The following RASA2 variants were observed in gnomAD, a reference collection of about 807,000 sequenced individuals.
RASA2 encodes RAS p21 protein activator 2.
In RASA2, 155 loss-of-function variants were observed where a neutral mutation model predicts 118.2. The observed-to-expected ratio is 1.31, with a 90% CI of 1.15 to 1.50. The LOEUF is 1.50. Among genes scored for constraint, RASA2 ranks in the 40% most tolerant of loss-of-function variants. The pLI, the probability that RASA2 is intolerant of heterozygous loss-of-function variation, is 0.00. For missense variants in RASA2, 1,016 were observed against 1,009.6 expected, an observed-to-expected ratio of 1.01 and a Z score of -0.09; for synonymous variants, 353 against 349.1, an observed-to-expected ratio of 1.01 and a Z score of -0.12.
intron 19 of RASA2, among the ~76,000 whole-genome samples, chr3:141,590,574 G>A (rs979558410): frequency 3.9e-5 from 6 of 152,136 alleles, no homozygotes; most frequent in South Asian, 2.1e-4. Context: ...TCTCTGTTTG[G>A]TTGTTGAGCA....
chr3:141,506,513 A>C (rs1357144557), intron 1 of RASA2, among the ~76,000 whole-genome samples: 1 of 152,220 alleles, frequency 6.6e-6, no homozygotes, highest in Admixed American at 6.5e-5. Context: ...GAATTTCTTG[A>C]ATACTTTATT....
intron 1 of RASA2, among the ~76,000 whole-genome samples, chr3:141,497,314 A>C: frequency 7.1e-6 from 1 of 140,192 alleles, no homozygotes; most frequent in East Asian, 1.9e-4. Context: ...TAAAACGTAA[A>C]GTATAATAAA....
At chr3:141,577,922 A>T (rs1472936534) in intron 15 of RASA2, among the ~76,000 whole-genome samples, 1 of 152,060 alleles carries the variant, frequency 6.6e-6, no homozygotes, top group Non-Finnish European at 1.5e-5. Context: ...AAAATTCTTT[A>T]TTTTTGCTAT....
At chr3:141,524,597 T>G (rs2082159332) in intron 3 of RASA2, among the ~76,000 whole-genome samples, 1 of 152,094 alleles carries the variant, frequency 6.6e-6, no homozygotes, top group Non-Finnish European at 1.5e-5. Flanking sequence ...TGTTTGTTTG[T>G]TTTTTTGAGA....
intron 1 of RASA2, among the ~76,000 whole-genome samples, chr3:141,506,371 G>T (rs2081866812): frequency 6.6e-6 from 1 of 152,204 alleles, no homozygotes; most frequent in Non-Finnish European, 1.5e-5. Flanking sequence ...CATATTGCAG[G>T]ACTCCGCATG....
chr3:141,590,408 T>G (rs2083270894), intron 19 of RASA2, among the ~76,000 whole-genome samples: 1 of 152,202 alleles, frequency 6.6e-6, no homozygotes, highest in African/African-American at 2.4e-5. Flanking sequence ...ATATAACACC[T>G]TATTCCCATC....
chr3:141,606,357 A>G (rs2083548954), intron 19 of RASA2, among the ~76,000 whole-genome samples: 1 of 152,146 alleles, frequency 6.6e-6, no homozygotes, highest in Non-Finnish European at 1.5e-5. Flanking sequence ...TTAACTGTAA[A>G]TGTCATTTCC....
intron 1 of RASA2, among the ~76,000 whole-genome samples, chr3:141,496,209 A>G (rs962610137): frequency 1.3e-5 from 2 of 152,240 alleles, no homozygotes; most frequent in African/African-American, 4.8e-5. Flanking sequence ...TAAAACCGTA[A>G]AAACCCTAGA....
chr3:141,604,012 T>G (rs2083507931), intron 19 of RASA2, among the ~76,000 whole-genome samples: 1 of 152,230 alleles, frequency 6.6e-6, no homozygotes, highest in Non-Finnish European at 1.5e-5. Flanking sequence ...TTGTTTTTGG[T>G]TTTTGGCTAT....
intron 23 of RASA2, among the ~76,000 whole-genome samples, chr3:141,610,867 T>C (rs1421657395): frequency 1.3e-5 from 2 of 152,096 alleles, no homozygotes; most frequent in Admixed American, 1.3e-4. Context: ...GTTTTTGTTT[T>C]TACTGATCCT....
intron 5 of RASA2, among the ~76,000 whole-genome samples, chr3:141,543,127 G>A (rs1250979668): frequency 6.6e-6 from 1 of 150,808 alleles, no homozygotes; most frequent in Admixed American, 6.6e-5. Context: ...TTTTCCTGTG[G>A]GTTACTTGAA....
chr3:141,490,719 T>C (rs2081630410), intron 1 of RASA2, among the ~76,000 whole-genome samples: 2 of 152,200 alleles, frequency 1.3e-5, no homozygotes, highest in Admixed American at 6.5e-5. Context: ...CTATAGGGTA[T>C]GGTTAAGTGC....
rs748115249 is a variant in RASA2, at chr3:141,608,744, A to G, written c.2225+47A>G. ...AAAGCAGTGTGTCAAAATTTGATATATCCATGCAATGTTAATATTATTTGT... is the reference window on the plus strand; with the variant it reads ...AAAGCAGTGTGTCAAAATTTGATATGTCCATGCAATGTTAATATTATTTGT... On this transcript the variant is annotated intron_variant, in intron 21 of 23. Transcript: ENST00000286364. 2.6e-6 allele frequency: 4 copies of G among 1,536,244 alleles called. No homozygotes were observed. In the East Asian group the frequency reaches 6.8e-5, roughly 26 times the overall value.
At chr3:141,537,835 T>C (rs2082350032) in intron 4 of RASA2, among the ~76,000 whole-genome samples, 2 of 152,188 alleles carry the variant, frequency 1.3e-5, no homozygotes, top group Admixed American at 1.3e-4. Flanking sequence ...AGTCCACTGC[T>C]TTCCTCATTT....
rs770004299 is a variant in RASA2, at chr3:141,555,875, C to A, written c.647C>A (p.Thr216Lys). ...AAGAAGACAAAAGTAAAGAAGAAAACAAGCAATCCGCAGTTTAATGAAATC... is the reference window on the plus strand; with the variant it reads ...AAGAAGACAAAAGTAAAGAAGAAAAAAAGCAATCCGCAGTTTAATGAAATC... ...DQKKTKVKKKTSNPQFNEIFY... is the reference protein window; with the variant it reads ...DQKKTKVKKKKSNPQFNEIFY... Residue 216 changes from threonine (T) to lysine (K), a missense_variant, in exon 7 of 24, where the codon ACA (threonine) becomes AAA (lysine). This residue lies in a region of RASA2 where 896 missense variants were observed against 836.4 expected (regional missense o/e 1.07). Transcript: ENST00000286364. 1.9e-6 allele frequency: 3 copies of A among 1,612,348 alleles called. No individual in the cohort carries two copies. The highest frequency in any genetic ancestry group is 2.5e-6 in the Non-Finnish European group (3 of 1,179,236).
chr3:141,487,032 G>T lies in RASA2; in HGVS notation c.-52G>T, dbSNP rs1304392345. On this transcript the variant is annotated 5_prime_UTR_variant, in exon 1 of 24. Coordinates refer to ENST00000286364, the MANE Select transcript of RASA2 (RefSeq NM_006506.5). ...TGGGCCTAGGCCGCTGCTGGGCTCC[G>T]CCTCGCCCGGCTACGCAGGCGGCAG... 1.7e-6 allele frequency: 2 copies of T among 1,146,730 alleles called. No homozygotes were observed. Among genetic ancestry groups the T allele is most frequent in the Non-Finnish European group, 1.1e-6 (1 of 931,726 alleles). 71.0% of individuals were successfully genotyped at this position (1,146,730 alleles called of 1,614,324 possible).
At chr3:141,501,693 T>C (rs2081783642) in intron 1 of RASA2, among the ~76,000 whole-genome samples, 1 of 152,200 alleles carries the variant, frequency 6.6e-6, no homozygotes, top group Non-Finnish European at 1.5e-5. Context: ...AAATTAAACT[T>C]TAGAAGAAAA....
intron 1 of RASA2, among the ~76,000 whole-genome samples, chr3:141,503,843 G>A (rs917258772): frequency 6.6e-6 from 1 of 152,106 alleles, no homozygotes; most frequent in Non-Finnish European, 1.5e-5. Context: ...TTTTCAAAAC[G>A]TCTCTGTATT....
Position 141,499,438 on chromosome 3 carries a change from G to GA in RASA2, c.133+12228dup, listed in dbSNP as rs564452324. Reference sequence around the variant, plus strand: ...GTTTTATAGCCACACACACACACACGAAAAAACAGTTCTTTGCTTCACTGA... The same window carrying GA: ...GTTTTATAGCCACACACACACACACGAAAAAAACAGTTCTTTGCTTCACTGA... On this transcript the variant is annotated intron_variant, in intron 1 of 23. Coordinates refer to ENST00000286364, the MANE Select transcript of RASA2 (RefSeq NM_006506.5). Among the ~76,000 whole-genome samples, 10 of 152,002 alleles carry GA rather than the reference G, an allele frequency of 6.6e-5. 1 individual carries two copies. In the South Asian group the frequency reaches 2.1e-3, roughly 32 times the overall value.
Sources: gnomAD v4.1 joint callset for allele counts (sites outside exome capture counted in the v4.1 genomes callset) on GRCh38, gnomAD v4.1.1 for gene constraint, gnomAD v4.1.1 regional missense constraint, MANE v1.5 for transcripts, NCBI Gene and HGNC (gene_info 2026-07-23, HGNC 2026-07-21) for gene names.